GRIK2: variants seen among roughly 807,000 people sequenced by gnomAD.
GRIK2 encodes glutamate receptor ionotropic, kainate 2.
Under a neutral mutation model 100.3 loss-of-function variants are expected in GRIK2, and 32 were observed. The observed-to-expected ratio is 0.32, with a 90% CI of 0.24 to 0.43. The LOEUF is 0.43. Among genes scored for constraint, GRIK2 ranks in the 20% least tolerant of loss-of-function variants. The pLI, the probability that GRIK2 is intolerant of heterozygous loss-of-function variation, is 1.00. For synonymous variants in GRIK2, 417 were observed against 389.4 expected, an observed-to-expected ratio of 1.07 and a Z score of -0.83; for missense variants, 843 against 1,114.9, an observed-to-expected ratio of 0.76 and a Z score of 3.47.
chr6:101,931,144 T>C (rs1432480269), intron 14 of GRIK2, among the ~76,000 whole-genome samples: 2 of 152,156 alleles, frequency 1.3e-5, no homozygotes, highest in Non-Finnish European at 2.9e-5. Context: ...CAATTTCATG[T>C]TTTCACTTTT....
chr6:101,592,779 T>A (rs1778735202), intron 2 of GRIK2, among the ~76,000 whole-genome samples: 1 of 151,004 alleles, frequency 6.6e-6, no homozygotes, highest in South Asian at 2.1e-4. Flanking sequence ...AAGTGGAAGA[T>A]TAAAACACTT....
intron 11 of GRIK2, among the ~76,000 whole-genome samples, chr6:101,871,823 A>C (rs1785438276): frequency 6.6e-6 from 1 of 151,940 alleles, no homozygotes; most frequent in Admixed American, 6.6e-5. Flanking sequence ...TATTGTGAAT[A>C]GTTCTGTGAT....
intron 4 of GRIK2, among the ~76,000 whole-genome samples, chr6:101,656,840 A>G (rs1377337045): frequency 6.6e-6 from 1 of 152,116 alleles, no homozygotes; most frequent in South Asian, 2.1e-4. Context: ...CAAACACAAC[A>G]CTTCTCCAAA....
rs1765126 is a variant in GRIK2 at position 101,624,558 on chromosome 6, G to A, written c.284-1822G>A. Among the ~76,000 whole-genome samples, 833 of 152,016 alleles carry A rather than the reference G, an allele frequency of 5.5e-3. 12 individuals carry two copies. Among genetic ancestry groups the A allele is most frequent in the African/African-American group, 0.019 (808 of 41,464 alleles). On this transcript the variant is annotated intron_variant, in intron 3 of 16. Transcript: ENST00000369134. Reference sequence around the variant, plus strand: ...ATTATATTTTATGGAGAAAACTGAGGGAAAATAGCAGAAATTTTCACACGG... The same window carrying A: ...ATTATATTTTATGGAGAAAACTGAGAGAAAATAGCAGAAATTTTCACACGG...
At chr6:101,609,183 G>T (rs1374868174) in intron 2 of GRIK2, among the ~76,000 whole-genome samples, 5 of 151,522 alleles carry the variant, frequency 3.3e-5, no homozygotes, top group Non-Finnish European at 7.4e-5. Context: ...CAGTTTTTGA[G>T]TTAGATGTTT....
rs1037775868 is a variant in GRIK2, at chr6:101,399,175, G to T, written c.-103G>T. ...CTCTCTCTATGACCATGCCGTGATC[G>T]TGTCTGCGGTCACCACTCGACGCAT... On this transcript the variant is annotated 5_prime_UTR_variant, in exon 2 of 17. Coordinates refer to ENST00000369134, the MANE Select transcript of GRIK2 (RefSeq NM_021956.5). The T allele has an allele frequency of 5.5e-6, 4 of 722,858 alleles. No homozygotes were observed. The highest frequency in any genetic ancestry group is 5.2e-5 in the African/African-American group (3 of 57,838). 44.8% of individuals were successfully genotyped at this position (722,858 alleles called of 1,614,324 possible).
chr6:101,634,793 GA>G (rs141368564), intron 4 of GRIK2, among the ~76,000 whole-genome samples: 10 of 145,168 alleles, frequency 6.9e-5, no homozygotes, highest in African/African-American at 1.3e-4. Context: ...ACGATCACAG[GA>G]AAAAAAAAAG....
intron 2 of GRIK2, among the ~76,000 whole-genome samples, chr6:101,458,050 A>G (rs1447803178): frequency 6.6e-6 from 1 of 152,194 alleles, no homozygotes; most frequent in Non-Finnish European, 1.5e-5. Context: ...AAGTATTCTC[A>G]TGAAAACACA....
At chr6:101,577,911 G>A (rs1033930031) in intron 2 of GRIK2, among the ~76,000 whole-genome samples, 1 of 152,066 alleles carries the variant, frequency 6.6e-6, no homozygotes, top group Admixed American at 6.6e-5. Flanking sequence ...GAATGGATGG[G>A]AACAACGTAG....
Position 101,676,795 on chromosome 6 carries a change from T to A in GRIK2, c.714T>A (p.Ile238=). Residue 238 remains isoleucine (I), a synonymous_variant, in exon 5 of 17, where the codon ATT becomes ATA. Transcript: ENST00000369134. ...GTAGCCATGAAATGGCAGCAGGCAT[T>A]TTAAAACAGGTAACCTTTAAATTAC... ...FDCSHEMAAG[I]LKQALAMGMM... is the part of the protein sequence containing the mutation. 1 of 1,592,432 alleles carries A rather than the reference T, an allele frequency of 6.3e-7. No individual in the cohort carries two copies.
rs1169774823 is a variant in GRIK2 at position 101,586,466 on chromosome 6, T to C, written c.116-35483T>C. 2.0e-5 allele frequency among the ~76,000 whole-genome samples: 3 copies of C among 152,126 alleles called. No individual in the cohort carries two copies. In the East Asian group the frequency reaches 5.8e-4, roughly 29 times the overall value. On this transcript the variant is annotated intron_variant, in intron 2 of 16. Transcript: ENST00000369134. ...CATCTGGAAGGGCCAAATCCAAAAC[T>C]GCTCTGAAGGAACATTTCCAAGCTA...
intron 14 of GRIK2, among the ~76,000 whole-genome samples, chr6:102,006,391 T>TATATATATATA (rs1491491868): frequency 2.6e-5 from 2 of 78,242 alleles, no homozygotes; most frequent in South Asian, 3.3e-4. Flanking sequence ...TATATATATA[T>TATATATATATA]TTTTTTTTTT....
intron 2 of GRIK2, among the ~76,000 whole-genome samples, chr6:101,570,515 A>C: frequency 6.6e-6 from 1 of 152,082 alleles, no homozygotes; most frequent in East Asian, 1.9e-4. Context: ...CTGAAGGGAC[A>C]ATATGGTCTC....
rs185721430 is a variant in GRIK2, at chr6:102,033,574, T to G, written c.2086-1767T>G. Among the ~76,000 whole-genome samples the G allele has an allele frequency of 1.4e-3, 213 of 151,498 alleles. 5 individuals are homozygous for G. The highest frequency in any genetic ancestry group is 2.5e-4 in the Non-Finnish European group (17 of 67,578). On this transcript the variant is annotated intron_variant, in intron 14 of 16. Coordinates refer to ENST00000369134, the MANE Select transcript of GRIK2 (RefSeq NM_021956.5). ...CTAGAACTGACTATCTCTGGACATT[T>G]GTGGAGTGAGGGTGTATTCTAAAGT...
At chr6:101,566,978 CTA>C (rs1229786994) in intron 2 of GRIK2, among the ~76,000 whole-genome samples, 1 of 150,358 alleles carries the variant, frequency 6.7e-6, no homozygotes, top group Non-Finnish European at 1.5e-5. Context: ...GTATATATGA[CTA>C]TCATATAAAA....
chr6:101,524,263 G>A (rs1291589874), intron 2 of GRIK2, among the ~76,000 whole-genome samples: 4 of 152,144 alleles, frequency 2.6e-5, no homozygotes, highest in Admixed American at 6.6e-5. Flanking sequence ...AATCAGAAGT[G>A]TTGCAGCATG....
chr6:101,779,752 A>T (rs1778969315), intron 7 of GRIK2, among the ~76,000 whole-genome samples: 1 of 152,130 alleles, frequency 6.6e-6, no homozygotes, highest in South Asian at 2.1e-4. Flanking sequence ...ATTCTCTTCT[A>T]GCTTTCCATT....
At chr6:101,591,312 C>T (rs1778628876) in intron 2 of GRIK2, among the ~76,000 whole-genome samples, 1 of 151,110 alleles carries the variant, frequency 6.6e-6, no homozygotes, top group Non-Finnish European at 1.5e-5. Context: ...CTTCTAATGC[C>T]GATCATCCTT....
intron 7 of GRIK2, among the ~76,000 whole-genome samples, chr6:101,701,263 G>T (rs1185776961): frequency 6.6e-6 from 1 of 152,044 alleles, no homozygotes; most frequent in African/African-American, 2.4e-5. Context: ...GAAGCTGAGA[G>T]AATTTAAGTA....
Sources: gnomAD v4.1 joint callset for allele counts (sites outside exome capture counted in the v4.1 genomes callset) on GRCh38, gnomAD v4.1.1 for gene constraint, MANE v1.5 for transcripts, NCBI Gene and HGNC (gene_info 2026-07-23, HGNC 2026-07-21) for gene names.